CAMTA1: variants seen among roughly 807,000 people sequenced by gnomAD.
CAMTA1 encodes calmodulin-binding transcription activator 1.
CAMTA1 carries 27 observed loss-of-function variants against 170.9 expected under a neutral mutation model. That is an observed-to-expected ratio of 0.16 (90% confidence interval 0.12 to 0.22). CAMTA1 has a LOEUF of 0.22. Among genes scored for constraint, CAMTA1 ranks in the 10% least tolerant of loss-of-function variants. CAMTA1 has a pLI of 1.00. For missense variants in CAMTA1, 1,619 were observed against 2,217.2 expected, an observed-to-expected ratio of 0.73 and a Z score of 5.42; for synonymous variants, 833 against 891.5, an observed-to-expected ratio of 0.93 and a Z score of 1.17.
chr1:7,461,602 G>A (rs1428309471), intron 5 of CAMTA1, among the ~76,000 whole-genome samples: 1 of 152,248 alleles, frequency 6.6e-6, no homozygotes, highest in Admixed American at 6.5e-5. Flanking sequence ...TGCCAAGGAT[G>A]TCTTTTCCAG....
At chr1:7,416,076 T>C (rs970977290) in intron 5 of CAMTA1, among the ~76,000 whole-genome samples, 2 of 152,224 alleles carry the variant, frequency 1.3e-5, no homozygotes, top group African/African-American at 4.8e-5. Context: ...TTAAGAATGT[T>C]GAATATTGGC....
intron 6 of CAMTA1, among the ~76,000 whole-genome samples, chr1:7,619,394 AGGTGACT>A (rs1175023913): frequency 6.6e-6 from 1 of 152,216 alleles, no homozygotes; most frequent in African/African-American, 2.4e-5. Context: ...CCTGGGAGCC[AGGTGACT>A]GCAGTCCAGG....
rs114407730 is a variant in CAMTA1, at chr1:7,578,391, C to T, written c.511-62009C>T. ...AAGGACAAAGCCACGTGTCCCTCCC[C>T]GCCAGGCTCTCACAGCAGCTTGCTC... On this transcript the variant is annotated intron_variant, in intron 6 of 22. Coordinates refer to ENST00000303635, the MANE Select transcript of CAMTA1 (RefSeq NM_015215.4). 9.5e-3 allele frequency among the ~76,000 whole-genome samples: 1,440 copies of T among 152,308 alleles called. 15 individuals carry two copies. The highest frequency in any genetic ancestry group is 0.016 in the Non-Finnish European group (1,107 of 68,024).
intron 6 of CAMTA1, among the ~76,000 whole-genome samples, chr1:7,632,311 C>A (rs2095676011): frequency 6.6e-6 from 1 of 152,266 alleles, no homozygotes; most frequent in Non-Finnish European, 1.5e-5. Flanking sequence ...GCCCCCCGCG[C>A]CCCCAGCGGC....
intron 3 of CAMTA1, among the ~76,000 whole-genome samples, chr1:6,995,710 T>A (rs1697152603): frequency 1.3e-5 from 2 of 152,156 alleles, no homozygotes; most frequent in East Asian, 1.9e-4. Flanking sequence ...AAAGAAAGCT[T>A]GTTACAATTC....
chr1:7,664,905 C>T lies in CAMTA1; in HGVS notation c.2358C>T (p.Gly786=), dbSNP rs2149165370. The change falls in exon 9 of 23, where the codon GGC becomes GGT. Residue 786 remains glycine (G), a synonymous_variant. Transcript: ENST00000303635. Reference sequence around the variant, plus strand: ...ACGACTTCATCTCCGTGGAGGGGGGCAGCAGCACCATCTATGGGCACCAGC... The same window carrying T: ...ACGACTTCATCTCCGTGGAGGGGGGTAGCAGCACCATCTATGGGCACCAGC... The part of the protein sequence containing the change: ...LINDFISVEG[G]SSTIYGHQLV... 1 of 1,613,210 alleles carries T rather than the reference C, an allele frequency of 6.2e-7. No homozygotes were observed.
At chr1:7,403,455 A>T (rs2090059817) in intron 5 of CAMTA1, among the ~76,000 whole-genome samples, 1 of 152,222 alleles carries the variant, frequency 6.6e-6, no homozygotes, top group Non-Finnish European at 1.5e-5. Flanking sequence ...CCAGTGAGAG[A>T]GATCTCTTTA....
At chr1:6,935,948 G>A (rs1299569369) in intron 3 of CAMTA1, among the ~76,000 whole-genome samples, 2 of 152,188 alleles carry the variant, frequency 1.3e-5, no homozygotes, top group South Asian at 2.1e-4. Context: ...CAGAACTTCT[G>A]GCTCCCAGGA....
At chr1:6,992,068 T>A (rs1425841431) in intron 3 of CAMTA1, among the ~76,000 whole-genome samples, 7 of 151,104 alleles carry the variant, frequency 4.6e-5, no homozygotes, top group Non-Finnish European at 1.0e-4. Flanking sequence ...ATATATTTTT[T>A]ATGATTTATT....
chr1:7,508,758 A>C (rs1358687660), intron 6 of CAMTA1, among the ~76,000 whole-genome samples: 1 of 152,052 alleles, frequency 6.6e-6, no homozygotes, highest in Admixed American at 6.5e-5. Context: ...ACAGTCCTAG[A>C]ATAGGAGAGG....
chr1:7,001,898 T>TTCTTC (rs1553212997), intron 3 of CAMTA1, among the ~76,000 whole-genome samples: 154 of 110,972 alleles, frequency 1.4e-3, no homozygotes, highest in South Asian at 9.3e-3. Flanking sequence ...CTTCTTCTTC[T>TTCTTC]TTTTTTTTTT....
intron 5 of CAMTA1, among the ~76,000 whole-genome samples, chr1:7,289,874 G>A (rs1672873167): frequency 6.6e-6 from 1 of 152,190 alleles, no homozygotes; most frequent in African/African-American, 2.4e-5. Context: ...CCTTCAGAGA[G>A]GGCGTGGTCT....
chr1:7,541,902 A>G (rs1341107209), intron 6 of CAMTA1, among the ~76,000 whole-genome samples: 1 of 152,180 alleles, frequency 6.6e-6, no homozygotes, highest in Middle Eastern at 3.2e-3. Context: ...GGCCAACAAG[A>G]TAAGTCCATG....
intron 7 of CAMTA1, among the ~76,000 whole-genome samples, chr1:7,653,702 A>G (rs1201128074): frequency 6.6e-6 from 1 of 151,812 alleles, no homozygotes. Flanking sequence ...TGATGAACCA[A>G]TTAAAAAAAA....
At chr1:7,190,551 AAG>A (rs1245801223) in intron 4 of CAMTA1, among the ~76,000 whole-genome samples, 1 of 152,206 alleles carries the variant, frequency 6.6e-6, no homozygotes, top group East Asian at 1.9e-4. Flanking sequence ...ACTTCTGAAA[AAG>A]AGACTGAGGT....
At chr1:7,502,151 C>T (rs950091494) in intron 6 of CAMTA1, among the ~76,000 whole-genome samples, 5 of 152,210 alleles carry the variant, frequency 3.3e-5, no homozygotes, top group East Asian at 1.9e-4. Flanking sequence ...ACGACAGCCC[C>T]GGAAGGCAGC....
In CAMTA1 at chr1:6,888,217, C is replaced by T. The variant is rs530375217; in HGVS notation, c.234+63007C>T. ...GTTGAACGAATGTGTGGGTCACTTG[C>T]GTCGCATCCTTTCTGAATGTTTTTC... On this transcript the variant is annotated intron_variant, in intron 3 of 22. Coordinates refer to ENST00000303635, the MANE Select transcript of CAMTA1 (RefSeq NM_015215.4). 12 of 985,912 alleles carry T rather than the reference C, an allele frequency of 1.2e-5. No individual in the cohort carries two copies. The South Asian group carries it at 1.9e-4, about 15-fold the overall frequency. 61.1% of individuals were successfully genotyped at this position (985,912 alleles called of 1,614,324 possible). A position where few individuals can be genotyped will look rare whatever the true frequency, so the allele number is the denominator to read the frequency against.
chr1:7,498,299 A>G (rs987608139), intron 6 of CAMTA1, among the ~76,000 whole-genome samples: 1 of 148,526 alleles, frequency 6.7e-6, no homozygotes, highest in Non-Finnish European at 1.5e-5. Context: ...TGAGCGTGAC[A>G]GTGAGTGTGG....
intron 3 of CAMTA1, among the ~76,000 whole-genome samples, chr1:6,903,085 C>T (rs1450089059): frequency 6.6e-6 from 1 of 152,138 alleles, no homozygotes; most frequent in Non-Finnish European, 1.5e-5. Flanking sequence ...TAAATTATTA[C>T]AGTGGAATAC....
Sources: gnomAD v4.1 joint callset for allele counts (sites outside exome capture counted in the v4.1 genomes callset) on GRCh38, gnomAD v4.1.1 for gene constraint, MANE v1.5 for transcripts, NCBI Gene and HGNC (gene_info 2026-07-23, HGNC 2026-07-21) for gene names.